Variants in TMEM178A observed in about 807,000 individuals in gnomAD.
TMEM178A encodes transmembrane protein 178A.
A neutral mutation model predicts 29.1 loss-of-function variants in TMEM178A; 12 were observed. That is an observed-to-expected ratio of 0.41 (90% confidence interval 0.26 to 0.67). The LOEUF (loss-of-function observed/expected upper bound fraction) is 0.67, where lower values mean the gene tolerates loss of function less well. Ranked by LOEUF, TMEM178A falls within the 30% of genes least tolerant of loss-of-function variation. The probability of loss-of-function intolerance (pLI) is 0.29; values close to 1 mark genes in which losing one functional copy is unlikely to be tolerated. For synonymous variants in TMEM178A, 210 were observed against 187.2 expected (o/e 1.12, Z -0.99); for missense variants, 366 against 419.1 (o/e 0.87, Z 1.11).
chr2:39,666,924 C>G (rs1356655261), intron 1 of TMEM178A, among the ~76,000 whole-genome samples: 2 of 152,186 alleles, frequency 1.3e-5, no homozygotes, highest in Non-Finnish European at 2.9e-5. Context: ...TGTGGTCATC[C>G]CAGCCTGGCA....
At chr2:39,665,542 A>T (rs1166799833), upstream of TMEM178A, 2 of 160,138 alleles carry the variant, frequency 1.2e-5, no homozygotes, top group Admixed American at 6.5e-5. Context: ...GGGGGAAAGT[A>T]GGGACAGGGT....
intron 1 of TMEM178A, among the ~76,000 whole-genome samples, chr2:39,690,953 G>C (rs77801092): frequency 1.5e-3 from 227 of 152,260 alleles, no homozygotes; most frequent in Middle Eastern, 3.4e-3. Context: ...ATTCTACAGA[G>C]AGCCTCAATA....
chr2:39,714,581 C>A (rs2148118484), intron 3 of TMEM178A, among the ~76,000 whole-genome samples: 1 of 152,290 alleles, frequency 6.6e-6, no homozygotes, highest in South Asian at 2.1e-4. Flanking sequence ...CTGTTAATGA[C>A]ATCATTCACA....
chr2:39,691,258 C>T (rs2148078781), intron 1 of TMEM178A, among the ~76,000 whole-genome samples: 1 of 152,270 alleles, frequency 6.6e-6, no homozygotes, highest in South Asian at 2.1e-4. Flanking sequence ...GAGATCTTCT[C>T]TGAGACATAT....
intron 1 of TMEM178A, among the ~76,000 whole-genome samples, chr2:39,677,364 G>A (rs1670674600): frequency 6.6e-6 from 1 of 152,154 alleles, no homozygotes; most frequent in Non-Finnish European, 1.5e-5. Context: ...ACTGGCAACT[G>A]AGTGACCATG....
At chr2:39,734,750 C>T in the TMEM178A span, among the ~76,000 whole-genome samples, 1 of 152,192 alleles carries the variant, frequency 6.6e-6, no homozygotes, top group Non-Finnish European at 1.5e-5. Flanking sequence ...CTCACCAAAC[C>T]TGCAGCCTCT....
chr2:39,716,007 T>G (rs562039688), intron 3 of TMEM178A, among the ~76,000 whole-genome samples: 24 of 152,320 alleles, frequency 1.6e-4, no homozygotes, highest in Non-Finnish European at 2.6e-4. Context: ...CGTGTATCCC[T>G]AAGGATGCCA....
intron 1 of TMEM178A, among the ~76,000 whole-genome samples, chr2:39,692,639 G>A (rs1318041443): frequency 6.6e-6 from 1 of 152,080 alleles, no homozygotes; most frequent in African/African-American, 2.4e-5. Flanking sequence ...AAAGGGGGAG[G>A]GGAGAGGGAG....
At chr2:39,685,375 C>T (rs1331324411) in intron 1 of TMEM178A, among the ~76,000 whole-genome samples, 1 of 152,166 alleles carries the variant, frequency 6.6e-6, no homozygotes, top group South Asian at 2.1e-4. Flanking sequence ...GGCTCAGGCA[C>T]CCTGTTCTAT....
At chr2:39,665,594 A>T (rs13409487), upstream of TMEM178A, 1 of 181,008 alleles carries the variant, frequency 5.5e-6, no homozygotes, top group East Asian at 1.3e-4. Flanking sequence ...GAGAGATTAA[A>T]AGGGGAAGGG....
chr2:39,684,726 C>T (rs1368003256), intron 1 of TMEM178A, among the ~76,000 whole-genome samples: 2 of 152,146 alleles, frequency 1.3e-5, no homozygotes, highest in East Asian at 1.9e-4. Context: ...CGGTCCCTGT[C>T]GACCTTTCCT....
intron 2 of TMEM178A, among the ~76,000 whole-genome samples, chr2:39,705,901 G>C (rs1258729728): frequency 6.6e-6 from 1 of 152,200 alleles, no homozygotes; most frequent in Non-Finnish European, 1.5e-5. Flanking sequence ...CCTGGCCTTG[G>C]GGGCAGCAGA....
chr2:39,716,184 A>G, intron 3 of TMEM178A, among the ~76,000 whole-genome samples: 1 of 152,244 alleles, frequency 6.6e-6, no homozygotes, highest in Non-Finnish European at 1.5e-5. Flanking sequence ...TGCCTATCCA[A>G]AAGGAGCATC....
intron 1 of TMEM178A, among the ~76,000 whole-genome samples, chr2:39,688,567 A>G (rs1671180214): frequency 6.6e-6 from 1 of 152,196 alleles, no homozygotes; most frequent in Non-Finnish European, 1.5e-5. Context: ...TGTACACTTT[A>G]TTGCCCTTTT....
At chr2:39,719,255 C>G (rs751888811), downstream of TMEM178A, among the ~76,000 whole-genome samples, 1 of 152,216 alleles carries the variant, frequency 6.6e-6, no homozygotes, top group Admixed American at 6.5e-5. Flanking sequence ...TAGAAGATGT[C>G]AAGACTCTTG....
chr2:39,685,295 T>G (rs1671028919), intron 1 of TMEM178A, among the ~76,000 whole-genome samples: 1 of 152,212 alleles, frequency 6.6e-6, no homozygotes, highest in African/African-American at 2.4e-5. Context: ...CAAAACCCTG[T>G]GCATGCTCTT....
intron 2 of TMEM178A, among the ~76,000 whole-genome samples, chr2:39,705,416 T>C (rs17024175): frequency 0.022 from 3,385 of 152,224 alleles, 114 homozygotes; most frequent in African/African-American, 0.076. Flanking sequence ...ACTCAAACCA[T>C]AGGAAATTTG....
chr2:39,672,518 C>T (rs550415410), intron 1 of TMEM178A, among the ~76,000 whole-genome samples: 18 of 152,060 alleles, frequency 1.2e-4, no homozygotes, highest in South Asian at 6.2e-4. Context: ...ATAATTGCAA[C>T]GGTTCTTTTT....
At chr2:39,713,381 G>C (rs1672396726) in intron 3 of TMEM178A, among the ~76,000 whole-genome samples, 2 of 152,342 alleles carry the variant, frequency 1.3e-5, no homozygotes, top group Middle Eastern at 3.4e-3. Flanking sequence ...CATGTGTGTG[G>C]AATGTTATGG....
Sources: allele counts gnomAD v4.1 joint callset (sites outside exome capture counted in the v4.1 genomes callset), GRCh38; gene constraint gnomAD v4.1.1; transcripts MANE v1.5; gene names NCBI Gene and HGNC (gene_info 2026-07-23, HGNC 2026-07-21).